ESR1: variants seen among roughly 807,000 people sequenced by gnomAD.
The protein encoded by ESR1 is estrogen receptor 1.
In ESR1, 12 loss-of-function variants were observed where a neutral mutation model predicts 52.7. That is an observed-to-expected ratio of 0.23 (90% CI 0.15 to 0.37). The LOEUF is 0.37. Ranked by LOEUF, ESR1 falls within the 10% of genes least tolerant of loss-of-function variation. ESR1 has a pLI of 1.00. For synonymous variants in ESR1, 305 were observed against 316.8 expected (o/e 0.96, Z 0.39); for missense variants, 584 against 779.7 (o/e 0.75, Z 2.99).
At chr6:151,697,329 T>G (rs187036238) in intron 1 of ESR1, among the ~76,000 whole-genome samples, 345 of 152,310 alleles carry the variant, frequency 2.3e-3, no homozygotes, top group Non-Finnish European at 4.0e-3. Context: ...GAAAGAAGTG[T>G]ATTGAGAATC....
At chr6:151,947,997 A>C (rs544058293) in intron 4 of ESR1, among the ~76,000 whole-genome samples, 1 of 152,286 alleles carries the variant, frequency 6.6e-6, no homozygotes, top group South Asian at 2.1e-4. Flanking sequence ...CCCTGGGTAG[A>C]AATTCAGTTT....
intron 2 of ESR1, among the ~76,000 whole-genome samples, chr6:151,854,756 C>T (rs935303992): frequency 1.3e-5 from 2 of 152,092 alleles, no homozygotes; most frequent in African/African-American, 4.8e-5. Context: ...AAAAGAATGC[C>T]TGCATCACTT....
At chr6:152,032,575 A>G (rs866963130) in intron 5 of ESR1, among the ~76,000 whole-genome samples, 179 of 152,334 alleles carry the variant, frequency 1.2e-3, no homozygotes, top group Middle Eastern at 0.01. Flanking sequence ...TAAGAATCCA[A>G]CTTACAAGGG....
intron 1 of ESR1, among the ~76,000 whole-genome samples, chr6:151,696,756 C>T (rs1779381991): frequency 6.6e-6 from 1 of 152,136 alleles, no homozygotes; most frequent in African/African-American, 2.4e-5. Flanking sequence ...TCAACTAATA[C>T]AATTCAGCAG....
chr6:151,952,645 G>A (rs2036451221), intron 4 of ESR1, among the ~76,000 whole-genome samples: 1 of 152,168 alleles, frequency 6.6e-6, no homozygotes, highest in Non-Finnish European at 1.5e-5. Context: ...ATCAACTGTG[G>A]TCTAAGACAC....
intron 2 of ESR1, among the ~76,000 whole-genome samples, chr6:151,759,846 G>C (rs1784542073): frequency 6.6e-6 from 1 of 152,228 alleles, no homozygotes. Flanking sequence ...CTGATCATCA[G>C]AATTGGATCC....
intron 6 of ESR1, among the ~76,000 whole-genome samples, chr6:152,083,688 A>G (rs1395148343): frequency 1.3e-5 from 2 of 152,188 alleles, no homozygotes; most frequent in Non-Finnish European, 2.9e-5. Context: ...GTGGGAGAAA[A>G]TTTTTGCAAT....
At chr6:151,910,712 G>A (rs1279616745) in intron 3 of ESR1, among the ~76,000 whole-genome samples, 1 of 152,160 alleles carries the variant, frequency 6.6e-6, no homozygotes, top group Non-Finnish European at 1.5e-5. Flanking sequence ...CATTGGTAAA[G>A]CAATCTATTA....
chr6:151,908,178 T>C (rs1797736659), intron 3 of ESR1, among the ~76,000 whole-genome samples: 1 of 152,160 alleles, frequency 6.6e-6, no homozygotes, highest in South Asian at 2.1e-4. Flanking sequence ...CTTATATAGG[T>C]TTAGTAGGAT....
intron 3 of ESR1, among the ~76,000 whole-genome samples, chr6:151,915,626 G>A (rs2128448771): frequency 6.6e-6 from 1 of 152,312 alleles, no homozygotes; most frequent in Non-Finnish European, 1.5e-5. Context: ...ATGAAATGGA[G>A]CTAGCTTTAG....
chr6:152,066,852 A>G (rs2048001518), intron 6 of ESR1, among the ~76,000 whole-genome samples: 1 of 152,190 alleles, frequency 6.6e-6, no homozygotes, highest in Non-Finnish European at 1.5e-5. Flanking sequence ...TCCTTTGATA[A>G]GCTGCTTCCC....
At chr6:151,879,706 C>T (rs569295523) in intron 2 of ESR1, among the ~76,000 whole-genome samples, 2 of 152,252 alleles carry the variant, frequency 1.3e-5, no homozygotes, top group African/African-American at 2.4e-5. Flanking sequence ...TTCTTAGAAT[C>T]GTTGGATGTG....
chr6:152,018,311 C>CAAA, intron 5 of ESR1, among the ~76,000 whole-genome samples: 1 of 136,418 alleles, frequency 7.3e-6, no homozygotes, highest in African/African-American at 2.7e-5. Context: ...AAAAAATATG[C>CAAA]AAAAAAAAAA....
At chr6:151,678,182 A>G (rs1193986593) in intron 1 of ESR1, among the ~76,000 whole-genome samples, 1 of 152,142 alleles carries the variant, frequency 6.6e-6, no homozygotes, top group African/African-American at 2.4e-5. Context: ...AAAAAAATAC[A>G]TTGATGCCGA....
chr6:151,963,357 G>A (rs1046717209), intron 4 of ESR1, among the ~76,000 whole-genome samples: 6 of 152,144 alleles, frequency 3.9e-5, no homozygotes, highest in African/African-American at 1.4e-4. Flanking sequence ...ATGTGGGTAA[G>A]AGTGATCCCA....
chr6:152,011,609 G>A lies in ESR1; in HGVS notation c.1097-47G>A, dbSNP rs55716045. 3.2e-3 allele frequency: 5,161 copies of A among 1,611,306 alleles called. 23 individuals are homozygous for A. Among genetic ancestry groups the A allele is most frequent in the Middle Eastern group, 4.2e-3 (25 of 6,012 alleles). Reference sequence around the variant, plus strand: ...CTGTTGCATTAATTTCACCAGTAATGAGTCTTTTTCATTTGAGTCAGCAGG... The same window carrying A: ...CTGTTGCATTAATTTCACCAGTAATAAGTCTTTTTCATTTGAGTCAGCAGG... On this transcript the variant is annotated intron_variant, in intron 4 of 7. Transcript: ENST00000206249.
chr6:151,991,451 A>G (rs2041005459), intron 4 of ESR1, among the ~76,000 whole-genome samples: 1 of 151,974 alleles, frequency 6.6e-6, no homozygotes, highest in Non-Finnish European at 1.5e-5. Flanking sequence ...AAAAAAAAAA[A>G]TACATTTTGA....
chr6:151,891,171 CTTAT>C (rs1183049546), intron 3 of ESR1, among the ~76,000 whole-genome samples: 1 of 152,040 alleles, frequency 6.6e-6, no homozygotes, highest in Non-Finnish European at 1.5e-5. Context: ...TATTTGATTG[CTTAT>C]TTAGAGATAA....
chr6:151,899,372 G>A lies in ESR1; in HGVS notation c.760+18601G>A, dbSNP rs1418014914. 1.4e-4 allele frequency among the ~76,000 whole-genome samples: 18 copies of A among 127,112 alleles called. 1 individual carries two copies. The highest frequency in any genetic ancestry group is 3.4e-4 in the African/African-American group (10 of 29,820). The allele number at this position is 127,112 out of a possible 152,430, so 83.4% of individuals were successfully genotyped here. ...GGGCTGACCCCCCCACCTCCTTCCC[G>A]GACGGGGCGGCTGGCCGGGCAGAGG... On this transcript the variant is annotated intron_variant, in intron 3 of 7. Coordinates refer to ENST00000206249, the MANE Select transcript of ESR1 (RefSeq NM_000125.4).
Sources: gnomAD v4.1 joint callset for allele counts (sites outside exome capture counted in the v4.1 genomes callset) on GRCh38, gnomAD v4.1.1 for gene constraint, MANE v1.5 for transcripts, NCBI Gene and HGNC (gene_info 2026-07-23, HGNC 2026-07-21) for gene names.